The following PLCB4 variants were observed in gnomAD, a reference collection of about 807,000 sequenced individuals.
PLCB4 encodes phospholipase C beta 4, also known as 1-phosphatidylinositol 4,5-bisphosphate phosphodiesterase beta-4.
PLCB4 carries 77 observed loss-of-function variants against 178.8 expected under a neutral mutation model. The ratio of observed to expected loss-of-function variants is 0.43; its 90% confidence interval spans 0.36 to 0.52. The LOEUF (loss-of-function observed/expected upper bound fraction) is 0.52, where lower values mean the gene tolerates loss of function less well. Among genes scored for constraint, PLCB4 ranks in the 20% least tolerant of loss-of-function variants. The probability of loss-of-function intolerance (pLI) is 0.00; values close to 1 mark genes in which losing one functional copy is unlikely to be tolerated. For synonymous variants in PLCB4, 496 were observed against 490.8 expected (o/e 1.01, Z -0.14); for missense variants, 1,024 against 1,453.4 (o/e 0.70, Z 4.80).
At chr20:9,193,344 G>C (rs984191767) in intron 2 of PLCB4, among the ~76,000 whole-genome samples, 1 of 152,208 alleles carries the variant, frequency 6.6e-6, no homozygotes, top group African/African-American at 2.4e-5. Flanking sequence ...CTGAGGACCA[G>C]TGTAGAACAT....
chr20:9,222,677 T>A (rs1251513143), intron 3 of PLCB4, among the ~76,000 whole-genome samples: 1 of 152,234 alleles, frequency 6.6e-6, no homozygotes, highest in Non-Finnish European at 1.5e-5. Context: ...TATGGAGGTT[T>A]TACCTTTTTT....
intron 20 of PLCB4, among the ~76,000 whole-genome samples, chr20:9,404,156 C>A (rs556103203): frequency 6.6e-6 from 1 of 152,092 alleles, no homozygotes; most frequent in Admixed American, 6.5e-5. Flanking sequence ...ATTAGTTTTG[C>A]AGGAAAGAGA....
chr20:9,400,823 G>A (rs1034488368), intron 19 of PLCB4, among the ~76,000 whole-genome samples: 1 of 152,142 alleles, frequency 6.6e-6, no homozygotes, highest in African/African-American at 2.4e-5. Context: ...AATGAACACA[G>A]TGTGTGTACT....
intron 4 of PLCB4, among the ~76,000 whole-genome samples, chr20:9,327,505 G>A (rs1432854895): frequency 6.6e-6 from 1 of 151,936 alleles, no homozygotes; most frequent in Non-Finnish European, 1.5e-5. Flanking sequence ...GGCCGGGCGC[G>A]GTGGCTCCCG....
At chr20:9,298,773 C>T (rs2094669624) in intron 3 of PLCB4, among the ~76,000 whole-genome samples, 1 of 151,862 alleles carries the variant, frequency 6.6e-6, no homozygotes, top group Non-Finnish European at 1.5e-5. Context: ...TACACTTGCC[C>T]CTCAATTATG....
At chr20:9,279,455 C>G (rs776342284) in intron 3 of PLCB4, among the ~76,000 whole-genome samples, 6 of 151,742 alleles carry the variant, frequency 4.0e-5, no homozygotes, top group Admixed American at 6.6e-5. Flanking sequence ...ACATTTGAGC[C>G]AGACATCAAA....
chr20:9,132,284 T>TTG (rs34334709), intron 2 of PLCB4, among the ~76,000 whole-genome samples: 30,208 of 149,124 alleles, frequency 0.2, 3,916 homozygotes, highest in East Asian at 0.54. Context: ...GGCATAATGT[T>TTG]TGTGTGTGTG....
intron 19 of PLCB4, among the ~76,000 whole-genome samples, chr20:9,396,330 G>T (rs1486442285): frequency 6.6e-6 from 1 of 152,268 alleles, no homozygotes; most frequent in South Asian, 2.1e-4. Flanking sequence ...GCAAATGATT[G>T]GTTTGTCTCC....
intron 3 of PLCB4, among the ~76,000 whole-genome samples, chr20:9,255,309 C>A (rs1308904518): frequency 6.6e-6 from 1 of 152,182 alleles, no homozygotes; most frequent in Non-Finnish European, 1.5e-5. Context: ...AGCTTCTGTT[C>A]TTTTCACTGC....
chr20:9,338,754 C>T, intron 6 of PLCB4, 140 bp from the exon 7 acceptor site: 1 of 633,176 alleles, frequency 1.6e-6, no homozygotes, highest in East Asian at 2.8e-5. Context: ...AATTTCACCT[C>T]TACAGGTTTT....
intron 2 of PLCB4, among the ~76,000 whole-genome samples, chr20:9,169,354 G>C (rs1238925616): frequency 2.0e-5 from 3 of 151,218 alleles, no homozygotes; most frequent in Non-Finnish European, 4.4e-5. Flanking sequence ...CTGGGAGGCC[G>C]AAGCAGGAAG....
intron 3 of PLCB4, among the ~76,000 whole-genome samples, chr20:9,244,002 T>C (rs560934649): frequency 1.2e-4 from 19 of 152,318 alleles, no homozygotes; most frequent in South Asian, 6.2e-4. Flanking sequence ...TCAGAGGTTG[T>C]TATGGCCAGA....
intron 3 of PLCB4, among the ~76,000 whole-genome samples, chr20:9,224,213 C>G (rs1003613861): frequency 2.6e-5 from 4 of 152,124 alleles, no homozygotes; most frequent in Admixed American, 6.5e-5. Context: ...CATTGCCACT[C>G]CTGTACCCAT....
At chr20:9,158,451 T>C (rs1044470327) in intron 2 of PLCB4, among the ~76,000 whole-genome samples, 4 of 145,298 alleles carry the variant, frequency 2.8e-5, no homozygotes, top group Non-Finnish European at 6.1e-5. Context: ...TTTTTTTTAA[T>C]AGATTTGGGA....
chr20:9,381,361 G>C (rs929554422), intron 13 of PLCB4, among the ~76,000 whole-genome samples: 1 of 152,126 alleles, frequency 6.6e-6, no homozygotes, highest in Admixed American at 6.5e-5. Flanking sequence ...GCAGTAATTT[G>C]GCTAGTATTT....
intron 4 of PLCB4, among the ~76,000 whole-genome samples, chr20:9,325,007 A>G (rs1450091604): frequency 6.6e-6 from 1 of 152,218 alleles, no homozygotes; most frequent in Non-Finnish European, 1.5e-5. Context: ...ATAGTTTAAA[A>G]TATTTTTTCA....
At chr20:9,449,063 A>G (rs2042588986) in intron 32 of PLCB4, among the ~76,000 whole-genome samples, 1 of 152,188 alleles carries the variant, frequency 6.6e-6, no homozygotes, top group Admixed American at 6.5e-5. Flanking sequence ...TGTACTGGCA[A>G]TCAAACTTCT....
intron 32 of PLCB4, among the ~76,000 whole-genome samples, 164 bp from the exon 33 acceptor site, chr20:9,453,183 C>A (rs999820321): frequency 3.3e-5 from 5 of 151,990 alleles, no homozygotes; most frequent in Admixed American, 3.3e-4. Flanking sequence ...GACAAAAAAA[C>A]CGGTGTTGAA....
intron 30 of PLCB4, among the ~76,000 whole-genome samples, chr20:9,438,246 G>T (rs1260174232): frequency 1.3e-5 from 2 of 152,124 alleles, no homozygotes; most frequent in East Asian, 3.9e-4. Flanking sequence ...AGCCCCTGTA[G>T]TCCCAGCTGC....
Sources: gnomAD v4.1 joint callset for allele counts (sites outside exome capture counted in the v4.1 genomes callset) on GRCh38, gnomAD v4.1.1 for gene constraint, MANE v1.5 for transcripts, NCBI Gene and HGNC (gene_info 2026-07-23, HGNC 2026-07-21) for gene names.